The following CACNA2D3 variants were observed in gnomAD, a reference collection of about 807,000 sequenced individuals.
CACNA2D3 encodes calcium voltage-gated channel auxiliary subunit alpha2delta 3.
In CACNA2D3, 60 loss-of-function variants were observed where a neutral mutation model predicts 160.6. That is an observed-to-expected ratio of 0.37 (90% confidence interval 0.30 to 0.46). The LOEUF (loss-of-function observed/expected upper bound fraction) is 0.46, where lower values mean the gene tolerates loss of function less well. Ranked by LOEUF, CACNA2D3 falls within the 20% of genes least tolerant of loss-of-function variation. CACNA2D3 has a pLI of 1.00. For synonymous variants in CACNA2D3, 558 were observed against 492.9 expected (o/e 1.13, Z -1.75); for missense variants, 1,205 against 1,365.0 (o/e 0.88, Z 1.85).
At chr3:54,425,853 G>A (rs1295645939) in intron 4 of CACNA2D3, among the ~76,000 whole-genome samples, 1 of 152,226 alleles carries the variant, frequency 6.6e-6, no homozygotes, top group African/African-American at 2.4e-5. Context: ...GCTTTTGGAG[G>A]TCTGGCTCAA....
intron 3 of CACNA2D3, among the ~76,000 whole-genome samples, chr3:54,342,848 A>G (rs1428171425): frequency 3.9e-5 from 6 of 152,242 alleles, no homozygotes; most frequent in Admixed American, 6.5e-5. Flanking sequence ...CCACCCAGCC[A>G]TAGCTCTCGG....
chr3:54,162,082 G>A (rs941738972), intron 2 of CACNA2D3, among the ~76,000 whole-genome samples: 3 of 152,180 alleles, frequency 2.0e-5, no homozygotes, highest in African/African-American at 7.2e-5. Flanking sequence ...CGGTCTGAAG[G>A]CGAGGACACT....
chr3:54,762,800 A>G (rs1412174226), intron 12 of CACNA2D3, among the ~76,000 whole-genome samples: 1 of 152,196 alleles, frequency 6.6e-6, no homozygotes, highest in Non-Finnish European at 1.5e-5. Flanking sequence ...CTTAGAAATC[A>G]TGTCTACCTG....
chr3:54,470,526 T>A (rs908610199), intron 4 of CACNA2D3, among the ~76,000 whole-genome samples: 3 of 152,114 alleles, frequency 2.0e-5, no homozygotes, highest in African/African-American at 7.2e-5. Flanking sequence ...ACTGCATCAA[T>A]TAATGGGTAA....
chr3:54,439,777 T>C (rs1184429464), intron 4 of CACNA2D3, among the ~76,000 whole-genome samples: 1 of 152,154 alleles, frequency 6.6e-6, no homozygotes. Flanking sequence ...GATGGGAGAC[T>C]GAGTCCTCCT....
chr3:55,059,739 T>C (rs1361073796), intron 35 of CACNA2D3, among the ~76,000 whole-genome samples: 1 of 152,094 alleles, frequency 6.6e-6, no homozygotes, highest in Non-Finnish European at 1.5e-5. Context: ...GGATGGTGGA[T>C]ACGGGGATTT....
At chr3:54,189,519 A>G (rs1700942238) in intron 2 of CACNA2D3, among the ~76,000 whole-genome samples, 2 of 152,142 alleles carry the variant, frequency 1.3e-5, no homozygotes, top group African/African-American at 2.4e-5. Context: ...TCTAGAGCCC[A>G]GGAGGTAGGA....
chr3:54,705,558 G>A (rs1353917901), intron 11 of CACNA2D3, among the ~76,000 whole-genome samples: 3 of 152,144 alleles, frequency 2.0e-5, no homozygotes, highest in Admixed American at 2.0e-4. Flanking sequence ...GGACTCAAGG[G>A]TTATAGATAA....
At chr3:54,841,349 A>G (rs779559447) in intron 16 of CACNA2D3, among the ~76,000 whole-genome samples, 1 of 152,238 alleles carries the variant, frequency 6.6e-6, no homozygotes, top group South Asian at 2.1e-4. Flanking sequence ...GATCAACTAT[A>G]GAAAATTAAC....
At chr3:55,067,676 G>A (rs1472552435) in intron 35 of CACNA2D3, among the ~76,000 whole-genome samples, 2 of 152,096 alleles carry the variant, frequency 1.3e-5, no homozygotes, top group Non-Finnish European at 2.9e-5. Context: ...CTGGTGTGGT[G>A]TGTAACCTTC....
At chr3:55,066,145 C>T (rs1704631162) in intron 35 of CACNA2D3, among the ~76,000 whole-genome samples, 1 of 152,142 alleles carries the variant, frequency 6.6e-6, no homozygotes, top group African/African-American at 2.4e-5. Context: ...GGGGATAGGG[C>T]CACTTTCCAC....
chr3:54,625,782 G>A (rs1000173202), intron 9 of CACNA2D3, among the ~76,000 whole-genome samples: 2 of 152,176 alleles, frequency 1.3e-5, no homozygotes, highest in Non-Finnish European at 1.5e-5. Flanking sequence ...GGCTCCTACT[G>A]CTTCTGAGGG....
chr3:54,732,445 G>A (rs927777761), intron 11 of CACNA2D3, among the ~76,000 whole-genome samples: 7 of 152,198 alleles, frequency 4.6e-5, no homozygotes, highest in Non-Finnish European at 8.8e-5. Context: ...GGTCTGGGGT[G>A]AGAGTTCAGC....
chr3:54,230,558 A>G (rs186675166), intron 2 of CACNA2D3, among the ~76,000 whole-genome samples: 1 of 152,344 alleles, frequency 6.6e-6, no homozygotes, highest in Non-Finnish European at 1.5e-5. Context: ...CCAGAGTTAG[A>G]CACAGGGGAT....
At chr3:54,613,200 G>C (rs560673061) in intron 9 of CACNA2D3, among the ~76,000 whole-genome samples, 10 of 152,278 alleles carry the variant, frequency 6.6e-5, no homozygotes, top group African/African-American at 2.4e-4. Context: ...TTGCAAAGAG[G>C]TGTTTTGCTT....
intron 2 of CACNA2D3, among the ~76,000 whole-genome samples, chr3:54,135,677 G>A (rs1454790398): frequency 6.6e-6 from 1 of 152,208 alleles, no homozygotes; most frequent in Non-Finnish European, 1.5e-5. Flanking sequence ...CTTCTGCTAC[G>A]TAGAGCACTG....
intron 4 of CACNA2D3, among the ~76,000 whole-genome samples, chr3:54,405,853 C>CAA (rs34578123): frequency 2.1e-3 from 316 of 149,936 alleles, no homozygotes; most frequent in Admixed American, 4.0e-3. Context: ...AACTCAATAG[C>CAA]AAAAAAAAAA....
At chr3:54,648,058 T>C (rs1258967981) in intron 11 of CACNA2D3, among the ~76,000 whole-genome samples, 2 of 152,182 alleles carry the variant, frequency 1.3e-5, no homozygotes, top group Non-Finnish European at 2.9e-5. Flanking sequence ...GGAAAAGTCA[T>C]GGAATTATTT....
At chr3:54,841,484 T>C (rs192248148) in intron 16 of CACNA2D3, among the ~76,000 whole-genome samples, 9 of 152,294 alleles carry the variant, frequency 5.9e-5, no homozygotes, top group African/African-American at 2.2e-4. Flanking sequence ...CATACAGAGC[T>C]TTGTGAAAGG....
Sources: allele counts gnomAD v4.1 joint callset (sites outside exome capture counted in the v4.1 genomes callset), GRCh38; gene constraint gnomAD v4.1.1; transcripts MANE v1.5; gene names NCBI Gene and HGNC (gene_info 2026-07-23, HGNC 2026-07-21).